The following HLTF variants were observed in gnomAD, a reference collection of about 807,000 sequenced individuals.
HLTF encodes the protein helicase like transcription factor, also known as DNA-dependent ATPase/E3 ubiquitin-protein ligase HLTF.
HLTF carries 127 observed loss-of-function variants against 129.4 expected under a neutral mutation model. The observed-to-expected ratio is 0.98, with a 90% CI of 0.85 to 1.14. HLTF has a LOEUF of 1.14. HLTF is among the 50% of genes most tolerant of loss of function. The pLI is 0.00. For missense variants in HLTF, 1,139 were observed against 1,187.1 expected, an observed-to-expected ratio of 0.96 and a Z score of 0.60; for synonymous variants, 332 against 388.8, an observed-to-expected ratio of 0.85 and a Z score of 1.72.
chr3:149,032,257 G>A lies in HLTF; in HGVS notation c.2993C>T (p.Ala998Val). ...KKPNADEMKQ[A>V]KINEIRTLID... ...TAATGTTCTGATTTCATTAATTTTGGCTTGTTTCATTTCGTCAGCATTTGG... is the reference window on the plus strand; with the variant it reads ...TAATGTTCTGATTTCATTAATTTTGACTTGTTTCATTTCGTCAGCATTTGG... Residue 998 changes from alanine to valine, a missense_variant, in exon 25 of 25, where the codon GCC (alanine) becomes GTC (valine). Coordinates refer to ENST00000310053, the MANE Select transcript of HLTF (RefSeq NM_003071.4). 6.3e-7 allele frequency: 1 copy of A among 1,593,180 alleles called. No individual in the cohort carries two copies. The highest frequency in any genetic ancestry group is 8.5e-7 in the Non-Finnish European group (1 of 1,171,958).
At chr3:149,077,282 AT>A in intron 2 of HLTF, among the ~76,000 whole-genome samples, 1 of 150,994 alleles carries the variant, frequency 6.6e-6, no homozygotes, top group African/African-American at 2.4e-5. Flanking sequence ...AAATAAATAA[AT>A]AAATAAATAA....
intron 14 of HLTF, among the ~76,000 whole-genome samples, chr3:149,053,907 T>A (rs937792474): frequency 6.6e-6 from 1 of 151,984 alleles, no homozygotes; most frequent in African/African-American, 2.4e-5. Context: ...ATCCTTCCCA[T>A]AACAAACAAC....
intron 23 of HLTF, among the ~76,000 whole-genome samples, chr3:149,035,338 T>C (rs907012278): frequency 3.9e-5 from 6 of 152,284 alleles, no homozygotes; most frequent in Non-Finnish European, 8.8e-5. Flanking sequence ...TTATACATCC[T>C]CTTAAATGAC....
intron 3 of HLTF, 72 bp downstream of exon 3, chr3:149,075,809 C>A: frequency 1.0e-6 from 1 of 997,570 alleles, no homozygotes; most frequent in Non-Finnish European, 1.5e-6. Flanking sequence ...TAGGCTCTAA[C>A]AAGAAGCCCT....
chr3:149,075,696 A>C (rs1173276662), intron 3 of HLTF, among the ~76,000 whole-genome samples, 185 bp downstream of exon 3: 3 of 152,140 alleles, frequency 2.0e-5, no homozygotes, highest in Non-Finnish European at 4.4e-5. Context: ...TGAGAGGACA[A>C]TTGTTTGATG....
Position 149,071,395 on chromosome 3 carries a change from T to C in HLTF, c.751A>G (p.Met251Val), listed in dbSNP as rs1718847353. The change falls in exon 7 of 25, where the codon ATG becomes GTG. Residue 251 changes from methionine (M) to valine (V), a missense_variant. By Grantham distance (21) the Met-to-Val change is conservative (BLOSUM62 1). Coordinates refer to ENST00000310053, the MANE Select transcript of HLTF (RefSeq NM_003071.4). ...LPHQKQALAW[M>V]VSRENSKELP... is the part of the protein sequence containing the mutation. ...TCTTTGCTATTTTCCCGTGACACCA[T>C]CCAAGCTAGAGCTTGTTTTTGATGT... The C allele has an allele frequency of 3.1e-6, 5 of 1,613,888 alleles. No homozygotes were observed. Among genetic ancestry groups the C allele is most frequent in the Non-Finnish European group, 3.4e-6 (4 of 1,179,912 alleles).
At chr3:149,055,254 T>C (rs781589636) in intron 14 of HLTF, 49 bp downstream of exon 14, 8 of 1,292,938 alleles carry the variant, frequency 6.2e-6, no homozygotes, top group African/African-American at 1.5e-5. Flanking sequence ...TTCTACCTTG[T>C]AGATAAAATA....
chr3:149,079,275 C>T (rs1366979851), intron 2 of HLTF, among the ~76,000 whole-genome samples: 5 of 141,000 alleles, frequency 3.5e-5, no homozygotes, highest in Non-Finnish European at 7.7e-5. Context: ...ACAACTCCAA[C>T]TAAAATAAAC....
chr3:149,078,852 G>A (rs1254548426), intron 2 of HLTF, among the ~76,000 whole-genome samples: 16 of 131,490 alleles, frequency 1.2e-4, no homozygotes, highest in South Asian at 2.3e-4. Context: ...GCAAGACTCC[G>A]TCTCAAAAAA....
At chr3:149,086,291 C>G (rs186839426) in intron 1 of HLTF, 26 bp downstream of exon 1, 1 of 1,599,968 alleles carries the variant, frequency 6.3e-7, no homozygotes, top group South Asian at 1.1e-5. Context: ...TTAGACCGAG[C>G]GCCCCACCCC....
At position 149,034,767 on chromosome 3, in the gene HLTF, A is replaced by G. The variant is rs946917322; in HGVS notation, c.2877+151T>C. ...TGCAGAGAAAGGCCCCTTAAACAGC[A>G]TATATTAAATTATTGATGAAGGAGG... is the stretch of plus-strand genomic sequence containing the variant. On this transcript the variant is annotated intron_variant, in intron 24 of 24. Coordinates refer to ENST00000310053, the MANE Select transcript of HLTF (RefSeq NM_003071.4). The G allele has an allele frequency of 4.9e-6, 3 of 614,376 alleles. No homozygotes were observed. In the African/African-American group the frequency reaches 5.5e-5, roughly 11 times the overall value. The allele number at this position is 614,376 out of a possible 1,614,324, so 38.1% of individuals were successfully genotyped here.
chr3:149,067,866 C>T (rs1384090171), intron 8 of HLTF, among the ~76,000 whole-genome samples: 1 of 152,044 alleles, frequency 6.6e-6, no homozygotes, highest in Non-Finnish European at 1.5e-5. Context: ...GAATGTGATA[C>T]CTGCTGGTGG....
chr3:149,074,284 C>G lies in HLTF; in HGVS notation c.460G>C (p.Glu154Gln). Residue 154 changes from glutamate to glutamine, a missense_variant, in exon 4 of 25, where the codon GAA becomes CAA. By Grantham distance (29) the Glu-to-Gln change is conservative. Transcript: ENST00000310053. The stretch of plus-strand genomic sequence containing the variant: ...TCTGAAACCGCTTTTCTATTTTCTT[C>G]TTTTCCCCAAAAAGTCATATGCAGA... ...MPLHMTFWGKEENRKAVSDQL... is the reference protein window; with the variant it reads ...MPLHMTFWGKQENRKAVSDQL... 1 of 1,613,616 alleles carries G rather than the reference C, an allele frequency of 6.2e-7. No homozygotes were observed. Among genetic ancestry groups the G allele is most frequent in the Non-Finnish European group, 8.5e-7 (1 of 1,179,760 alleles).
At chr3:149,063,402 T>G in intron 10 of HLTF, 29 bp downstream of exon 10, 7 of 1,339,762 alleles carry the variant, frequency 5.2e-6, no homozygotes, top group Non-Finnish European at 7.5e-6. Context: ...TAAATAAACA[T>G]ATGACATAAT....
At chr3:149,060,592 G>T in intron 12 of HLTF, 51 bp downstream of exon 12, 1 of 1,379,292 alleles carries the variant, frequency 7.3e-7, no homozygotes, top group Non-Finnish European at 1.0e-6. Flanking sequence ...CAATGGAGCT[G>T]TACTTTAATA....
At chr3:149,071,725 G>C in intron 5 of HLTF, 68 bp from the exon 6 acceptor site, 1 of 1,000,850 alleles carries the variant, frequency 1.0e-6, no homozygotes, top group South Asian at 1.5e-5. Context: ...ATTTAAGTCA[G>C]ATTTGAAATC....
intron 7 of HLTF, among the ~76,000 whole-genome samples, chr3:149,069,135 T>C (rs766263589): frequency 1.1e-4 from 17 of 151,862 alleles, no homozygotes; most frequent in Admixed American, 2.6e-4. Flanking sequence ...CTAGTCATCA[T>C]ATTCTTAACT....
intron 9 of HLTF, 90 bp from the exon 10 acceptor site, chr3:149,063,614 C>T: frequency 4.2e-6 from 3 of 715,482 alleles, no homozygotes; most frequent in Non-Finnish European, 7.3e-6. Flanking sequence ...TTTCTAATTA[C>T]TGATTTTCAG....
At chr3:149,040,666 T>C (rs1716054267) in intron 20 of HLTF, among the ~76,000 whole-genome samples, 1 of 152,050 alleles carries the variant, frequency 6.6e-6, no homozygotes, top group Non-Finnish European at 1.5e-5. Flanking sequence ...GATTATATCT[T>C]AAATAACTAT....
Sources: gnomAD v4.1 joint callset for allele counts (sites outside exome capture counted in the v4.1 genomes callset) on GRCh38, gnomAD v4.1.1 for gene constraint, MANE v1.5 for transcripts, NCBI Gene and HGNC (gene_info 2026-07-23, HGNC 2026-07-21) for gene names.